ARHGEF7: variants seen among roughly 807,000 people sequenced by gnomAD.
The protein encoded by ARHGEF7 is PAK-interacting exchange factor beta.
In ARHGEF7, 33 loss-of-function variants were observed where a neutral mutation model predicts 109.8. That is an observed-to-expected ratio of 0.30 (90% CI 0.23 to 0.40). ARHGEF7 has a LOEUF of 0.40. Among genes scored for constraint, ARHGEF7 ranks in the 10% least tolerant of loss-of-function variants. The pLI is 1.00. For missense variants in ARHGEF7, 938 were observed against 1,098.5 expected (o/e 0.85, Z 2.07); for synonymous variants, 458 against 424.6 (o/e 1.08, Z -0.97).
intron 19 of ARHGEF7, chr13:111,294,295 A>G: frequency 1.0e-6 from 1 of 985,438 alleles, no homozygotes; most frequent in Non-Finnish European, 1.2e-6. Flanking sequence ...CCTCGAGACT[A>G]CTCATTAGCG....
intron 5 of ARHGEF7, among the ~76,000 whole-genome samples, chr13:111,221,031 TATATA>T (rs1287947361): frequency 6.8e-6 from 1 of 148,068 alleles, no homozygotes. Context: ...ATGTTATATA[TATATA>T]AAGGGGAGAT....
chr13:111,238,952 G>A (rs7990746), intron 6 of ARHGEF7, among the ~76,000 whole-genome samples: 131,397 of 152,144 alleles, frequency 0.86, 56,807 homozygotes, highest in East Asian at 0.93. Context: ...TCAGAGTTCC[G>A]CATGGCTGGG....
Position 111,283,272 on chromosome 13 carries a change from T to A in ARHGEF7, c.1859T>A (p.Leu620Gln). The A allele has an allele frequency of 6.3e-7, 1 of 1,579,896 alleles. No individual in the cohort carries two copies. Among genetic ancestry groups the A allele is most frequent in the Non-Finnish European group, 8.6e-7 (1 of 1,166,056 alleles). ...CACACCACCATCAACTGGGGACCCC[T>A]GGAGCCTCCGAAAACACCCAAGCCC... ...TPHTTINWGP[L>Q]EPPKTPKPWS... Residue 620 changes from leucine to glutamine, a missense_variant, in exon 16 of 22, where the codon CTG (leucine) becomes CAG (glutamine). Coordinates refer to ENST00000646102, the MANE Select transcript of ARHGEF7 (RefSeq NM_001354046.2).
intron 10 of ARHGEF7, 91 bp downstream of exon 10, chr13:111,274,043 T>G (rs1211327259): frequency 2.1e-6 from 3 of 1,458,146 alleles, no homozygotes; most frequent in African/African-American, 2.8e-5. Flanking sequence ...ATTCATGATT[T>G]ATTTTAGAAG....
At position 111,244,308 on chromosome 13, in the gene ARHGEF7, T is replaced by TA; in HGVS notation, c.950+19dup. ...AGAATGCACCAAGTAAGTAAGATGCTAAAAATTTGCAACACTCAGGTTGGT... is the reference window on the plus strand; with the variant it reads ...AGAATGCACCAAGTAAGTAAGATGCTAAAAAATTTGCAACACTCAGGTTGGT... On this transcript the variant is annotated intron_variant, in intron 8 of 21. Transcript: ENST00000646102. 1 of 1,539,082 alleles carries TA rather than the reference T, an allele frequency of 6.5e-7. No homozygotes were observed. The highest frequency in any genetic ancestry group is 8.9e-7 in the Non-Finnish European group (1 of 1,129,082).
intron 12 of ARHGEF7, 34 bp from the exon 13 acceptor site, chr13:111,277,553 T>A: frequency 7.2e-7 from 1 of 1,381,600 alleles, no homozygotes; most frequent in Non-Finnish European, 1.0e-6. Flanking sequence ...AGATGTTTTT[T>A]AAGAAATGTT....
chr13:111,285,148 A>G (rs887376743), intron 16 of ARHGEF7, among the ~76,000 whole-genome samples: 1 of 152,192 alleles, frequency 6.6e-6, no homozygotes, highest in Non-Finnish European at 1.5e-5. Flanking sequence ...CCCAATGGGT[A>G]GCTTTTCAAA....
chr13:111,147,943 C>T (rs986232605), intron 1 of ARHGEF7, among the ~76,000 whole-genome samples: 7 of 152,000 alleles, frequency 4.6e-5, no homozygotes, highest in East Asian at 3.9e-4. Context: ...GTGATCCGCC[C>T]GCCTCGGCCT....
chr13:111,242,199 C>A (rs1177992840), intron 6 of ARHGEF7, among the ~76,000 whole-genome samples: 1 of 152,168 alleles, frequency 6.6e-6, no homozygotes, highest in Admixed American at 6.5e-5. Context: ...TTCCTTGTCA[C>A]CAGTGGAAGA....
At position 111,266,386 on chromosome 13, in the gene ARHGEF7, G is replaced by T. The variant is rs571085872; in HGVS notation, c.951-1162G>T. Among the ~76,000 whole-genome samples the T allele has an allele frequency of 4.6e-5, 7 of 152,236 alleles. No homozygotes were observed. In the East Asian group the frequency reaches 7.7e-4, roughly 17 times the overall value. On this transcript the variant is annotated intron_variant, in intron 8 of 21. Coordinates refer to ENST00000646102, the MANE Select transcript of ARHGEF7 (RefSeq NM_001354046.2). The surrounding 1 kb of genome is among the most constrained non-coding windows in gnomAD (Gnocchi z 4.8). The stretch of plus-strand genomic sequence containing the variant: ...CTTCTTTTGGCCTGTGTCGACGCTC[G>T]TGGACACCTTCGCTCTTGTGCCTTG...
chr13:111,206,764 A>G (rs1487206274), intron 3 of ARHGEF7, among the ~76,000 whole-genome samples: 1 of 152,010 alleles, frequency 6.6e-6, no homozygotes, highest in African/African-American at 2.4e-5. Flanking sequence ...GATCGAGACC[A>G]TCCTGGCTAA....
chr13:111,260,501 T>G (rs773297134), intron 8 of ARHGEF7, among the ~76,000 whole-genome samples: 6 of 152,328 alleles, frequency 3.9e-5, no homozygotes, highest in Middle Eastern at 6.8e-3. Flanking sequence ...TATCCTAGGA[T>G]AGTATATCTA....
intron 12 of ARHGEF7, among the ~76,000 whole-genome samples, chr13:111,276,799 A>G (rs889522106): frequency 2.0e-5 from 3 of 152,198 alleles, no homozygotes; most frequent in Non-Finnish European, 2.9e-5. Context: ...TCTGAGGAAT[A>G]TACTTGGGGA....
intron 1 of ARHGEF7, among the ~76,000 whole-genome samples, chr13:111,146,377 T>C (rs1023095150): frequency 7.2e-5 from 11 of 152,216 alleles, no homozygotes; most frequent in African/African-American, 2.7e-4. Context: ...TTCTGATGCA[T>C]GTAGATGTTT....
intron 6 of ARHGEF7, chr13:111,241,296 G>A (rs760607441): frequency 1.6e-5 from 25 of 1,536,070 alleles, no homozygotes; most frequent in Non-Finnish European, 2.2e-5. Context: ...GGGTCCTGCA[G>A]CAGCCAGAGC....
chr13:111,204,595 A>G (rs1222159307), intron 2 of ARHGEF7, among the ~76,000 whole-genome samples: 2 of 152,132 alleles, frequency 1.3e-5, no homozygotes, highest in Non-Finnish European at 2.9e-5. Context: ...TACCTTTCCA[A>G]GCTCCAGGAT....
chr13:111,295,147 A>T (rs182200658), intron 19 of ARHGEF7: 22,166 of 977,678 alleles, frequency 0.023, 282 homozygotes, highest in Middle Eastern at 0.052. Context: ...GTTTTATATT[A>T]AAAAAAACCT....
intron 1 of ARHGEF7, among the ~76,000 whole-genome samples, chr13:111,117,199 T>C (rs1216182634): frequency 6.6e-6 from 1 of 152,234 alleles, no homozygotes; most frequent in Non-Finnish European, 1.5e-5. Flanking sequence ...GATAAAAACA[T>C]GTCGCCATCA....
At chr13:111,245,534 C>T (rs1423883927) in intron 8 of ARHGEF7, among the ~76,000 whole-genome samples, 1 of 152,158 alleles carries the variant, frequency 6.6e-6, no homozygotes, top group African/African-American at 2.4e-5. Flanking sequence ...ACGTTGAGTT[C>T]TTTAGCAGCT....
Sources: gnomAD v4.1 joint callset for allele counts (sites outside exome capture counted in the v4.1 genomes callset) on GRCh38, gnomAD v4.1.1 for gene constraint, Gnocchi (gnomAD v3.1) non-coding constraint, MANE v1.5 for transcripts, NCBI Gene and HGNC (gene_info 2026-07-23, HGNC 2026-07-21) for gene names.